Variants in GRIN3A observed in about 807,000 individuals in gnomAD.
GRIN3A encodes the protein glutamate receptor ionotropic, NMDA 3A.
In GRIN3A, 47 loss-of-function variants were observed where a neutral mutation model predicts 92.4. That is an observed-to-expected ratio of 0.51 (90% CI 0.40 to 0.65). The LOEUF is 0.65. GRIN3A is among the 30% of genes least tolerant of loss of function. The probability of loss-of-function intolerance (pLI) is 0.00; values close to 1 mark genes in which losing one functional copy is unlikely to be tolerated. For synonymous variants in GRIN3A, 527 were observed against 540.6 expected, an observed-to-expected ratio of 0.97 and a Z score of 0.35; for missense variants, 1,324 against 1,393.1, an observed-to-expected ratio of 0.95 and a Z score of 0.79.
intron 1 of GRIN3A, among the ~76,000 whole-genome samples, chr9:101,735,638 G>A (rs1487374038): frequency 6.6e-6 from 1 of 151,882 alleles, no homozygotes; most frequent in East Asian, 1.9e-4. Context: ...CACTTACGAA[G>A]TATTAGGTAA....
chr9:101,604,125 G>A (rs968384632), intron 6 of GRIN3A, among the ~76,000 whole-genome samples: 27 of 152,000 alleles, frequency 1.8e-4, no homozygotes, highest in African/African-American at 4.1e-4. Flanking sequence ...AATTCAACAC[G>A]TTTGCTAATG....
At chr9:101,653,381 C>T (rs368102113) in intron 3 of GRIN3A, among the ~76,000 whole-genome samples, 1 of 151,792 alleles carries the variant, frequency 6.6e-6, no homozygotes, top group African/African-American at 2.4e-5. Context: ...TCTAAAGTGA[C>T]AAAATACATT....
At chr9:101,601,256 G>C (rs1828206657) in intron 6 of GRIN3A, 1 of 152,234 alleles carries the variant, frequency 6.6e-6, no homozygotes. Context: ...AGATGAAGCA[G>C]GGTTTTGAAT....
intron 3 of GRIN3A, among the ~76,000 whole-genome samples, chr9:101,669,498 T>C (rs1225351141): frequency 6.6e-6 from 1 of 151,990 alleles, no homozygotes; most frequent in Non-Finnish European, 1.5e-5. Context: ...CCTTACTTTA[T>C]AGGCCTTAGC....
Position 101,572,221 on chromosome 9 carries a change from G to A in GRIN3A, c.*953C>T, listed in dbSNP as rs1396897623. ...GATGGGTGACTGCTGATCTGAAAATGGCCTAGTGTGTGGTGTGTAGAACAT... is the reference window on the plus strand; with the variant it reads ...GATGGGTGACTGCTGATCTGAAAATAGCCTAGTGTGTGGTGTGTAGAACAT... On this transcript the variant is annotated 3_prime_UTR_variant, in exon 9 of 9. Transcript: ENST00000361820. 2.0e-5 allele frequency: 3 copies of A among 152,794 alleles called. No homozygotes were observed. Among genetic ancestry groups the A allele is most frequent in the East Asian group, 3.9e-4 (2 of 5,172 alleles). 9.5% of individuals were successfully genotyped at this position (152,794 alleles called of 1,614,324 possible).
At position 101,694,270 on chromosome 9, in the gene GRIN3A, A is replaced by G. The variant is rs144357558; in HGVS notation, c.700-7070T>C. Among the ~76,000 whole-genome samples, 280 of 152,298 alleles carry G rather than the reference A, an allele frequency of 1.8e-3. 1 individual carries two copies. Among genetic ancestry groups the G allele is most frequent in the African/African-American group, 6.3e-3 (261 of 41,570 alleles). ...AGCTTATTTATTCATACAACAAATTATTTTAAAGTCCATTTTATACCAGGC... is the reference window on the plus strand; with the variant it reads ...AGCTTATTTATTCATACAACAAATTGTTTTAAAGTCCATTTTATACCAGGC... On this transcript the variant is annotated intron_variant, in intron 1 of 8. Transcript: ENST00000361820.
intron 1 of GRIN3A, among the ~76,000 whole-genome samples, chr9:101,722,225 GGT>G (rs1473219854): frequency 6.6e-6 from 1 of 152,234 alleles, no homozygotes; most frequent in Non-Finnish European, 1.5e-5. Flanking sequence ...GCTTCCATGT[GGT>G]GTTGGAGCCT....
rs141856088 is a variant in GRIN3A, at chr9:101,570,473, A to G, written c.*2701T>C. 2.0e-3 allele frequency: 308 copies of G among 152,796 alleles called. No individual in the cohort carries two copies. Among genetic ancestry groups the G allele is most frequent in the African/African-American group, 7.1e-3 (295 of 41,588 alleles). 9.5% of individuals were successfully genotyped at this position (152,796 alleles called of 1,614,324 possible). A position where few individuals can be genotyped will look rare whatever the true frequency, so the allele number is the denominator to read the frequency against. On this transcript the variant is annotated 3_prime_UTR_variant, in exon 9 of 9. Transcript: ENST00000361820. Reference sequence around the variant, plus strand: ...GCAAAACACTGTTCAGTTACTACCAATAAAAATAACCATTGCTACTTAACA... The same window carrying G: ...GCAAAACACTGTTCAGTTACTACCAGTAAAAATAACCATTGCTACTTAACA...
At chr9:101,626,127 A>C (rs539528607) in intron 4 of GRIN3A, among the ~76,000 whole-genome samples, 57 of 152,314 alleles carry the variant, frequency 3.7e-4, no homozygotes, top group African/African-American at 1.3e-3. Flanking sequence ...GATTGGCTGA[A>C]TCACTGTTGT....
intron 6 of GRIN3A, chr9:101,594,531 G>C: frequency 6.2e-7 from 1 of 1,614,186 alleles, no homozygotes. Flanking sequence ...TCGACCAGCT[G>C]CTGGAGCTGC....
intron 6 of GRIN3A, among the ~76,000 whole-genome samples, chr9:101,602,130 C>A (rs1294727434): frequency 6.6e-6 from 1 of 152,084 alleles, no homozygotes; most frequent in Non-Finnish European, 1.5e-5. Flanking sequence ...TCTATAAAGG[C>A]TCCAGGGCTC....
chr9:101,600,378 C>G (rs1368530646), intron 6 of GRIN3A, among the ~76,000 whole-genome samples: 1 of 152,066 alleles, frequency 6.6e-6, no homozygotes, highest in Non-Finnish European at 1.5e-5. Flanking sequence ...TAATACTGAC[C>G]TAAAGTGGAT....
At chr9:101,604,972 TATATC>T (rs751979897) in intron 6 of GRIN3A, among the ~76,000 whole-genome samples, 1 of 150,396 alleles carries the variant, frequency 6.6e-6, no homozygotes, top group Non-Finnish European at 1.5e-5. Flanking sequence ...CACATATTAA[TATATC>T]ATATATGCAT....
chr9:101,623,191 T>G, intron 5 of GRIN3A, 127 bp downstream of exon 5: 1 of 722,876 alleles, frequency 1.4e-6, no homozygotes, highest in Non-Finnish European at 2.6e-6. Flanking sequence ...TAAGTGCTTA[T>G]GAGTTGAAAA....
intron 2 of GRIN3A, among the ~76,000 whole-genome samples, chr9:101,685,023 A>G (rs1490104492): frequency 6.6e-6 from 1 of 152,190 alleles, no homozygotes; most frequent in Non-Finnish European, 1.5e-5. Flanking sequence ...TAAAATATGC[A>G]TGGATTTTAA....
intron 6 of GRIN3A, 106 bp downstream of exon 6, chr9:101,613,270 A>T: frequency 8.5e-7 from 1 of 1,179,302 alleles, no homozygotes; most frequent in Non-Finnish European, 1.3e-6. Flanking sequence ...GCAAGAGTCT[A>T]GTAAATGCAA....
intron 7 of GRIN3A, among the ~76,000 whole-genome samples, chr9:101,578,939 A>T (rs1312737609): frequency 2.0e-5 from 3 of 152,192 alleles, no homozygotes. Context: ...AAACCTGGTT[A>T]AAAAAGTTCT....
intron 6 of GRIN3A, chr9:101,600,705 C>T (rs917823823): frequency 6.6e-6 from 1 of 152,234 alleles, no homozygotes; most frequent in African/African-American, 2.4e-5. Flanking sequence ...GAAAGAATGC[C>T]AGTGTGACTG....
chr9:101,570,962 A>G lies in GRIN3A; in HGVS notation c.*2212T>C, dbSNP rs1034679592. 1 of 152,548 alleles carries G rather than the reference A, an allele frequency of 6.6e-6. No individual in the cohort carries two copies. Among genetic ancestry groups the G allele is most frequent in the African/African-American group, 2.4e-5 (1 of 41,440 alleles). The allele number at this position is 152,548 out of a possible 1,614,324, so 9.4% of individuals were successfully genotyped here. ...GCATGGCTGTAATGTGGATTGAGGT[A>G]CACCTGTACATCAGCCTTCCGGGCT... On this transcript the variant is annotated 3_prime_UTR_variant, in exon 9 of 9. Coordinates refer to ENST00000361820, the MANE Select transcript of GRIN3A (RefSeq NM_133445.3).
Sources: gnomAD v4.1 joint callset for allele counts (sites outside exome capture counted in the v4.1 genomes callset) on GRCh38, gnomAD v4.1.1 for gene constraint, MANE v1.5 for transcripts, NCBI Gene and HGNC (gene_info 2026-07-23, HGNC 2026-07-21) for gene names.